SAMD3: variants seen among roughly 807,000 people sequenced by gnomAD.
SAMD3 encodes sterile alpha motif domain-containing protein 3.
SAMD3 carries 63 observed loss-of-function variants against 58.5 expected under a neutral mutation model. The ratio of observed to expected loss-of-function variants is 1.08; its 90% CI spans 0.88 to 1.33. The LOEUF is 1.33. SAMD3 is among the 40% of genes most tolerant of loss of function. SAMD3 has a pLI of 0.00. For synonymous variants in SAMD3, 220 were observed against 210.3 expected (o/e 1.05, Z -0.40); for missense variants, 604 against 608.4 (o/e 0.99, Z 0.08).
At chr6:130,250,980 T>C (rs1224144618) in intron 2 of SAMD3, among the ~76,000 whole-genome samples, 1 of 152,238 alleles carries the variant, frequency 6.6e-6, no homozygotes, top group East Asian at 1.9e-4. Flanking sequence ...CTGGGTAATA[T>C]GATAACCCTG....
chr6:130,238,964 G>A (rs1299358284), intron 2 of SAMD3, among the ~76,000 whole-genome samples: 5 of 152,102 alleles, frequency 3.3e-5, no homozygotes, highest in Admixed American at 2.6e-4. Flanking sequence ...TCACTATGTT[G>A]GCTAGGCTGG....
chr6:130,184,591 T>A lies in SAMD3; in HGVS notation c.416A>T (p.Lys139Ile). 1.2e-6 allele frequency: 2 copies of A among 1,609,010 alleles called. No homozygotes were observed. The highest frequency in any genetic ancestry group is 1.7e-6 in the Non-Finnish European group (2 of 1,178,140). The stretch of plus-strand genomic sequence containing the variant: ...ATAGGACTTCGTCCACTGTAATGCT[T>A]TGCTTCTTGCTAGAATTTGTTTCAC... ...RNVKQILARS[K>I]ALQWTKSYVL... Residue 139 changes from lysine (K) to isoleucine (I), a missense_variant, in exon 6 of 12, where the codon AAA becomes ATA. Lys to Ile is a moderately radical substitution (Grantham distance 102, BLOSUM62 -3). Coordinates refer to ENST00000439090, the MANE Select transcript of SAMD3 (RefSeq NM_001017373.4).
intron 5 of SAMD3, among the ~76,000 whole-genome samples, chr6:130,197,228 C>T (rs565955738): frequency 5.9e-5 from 9 of 152,306 alleles, no homozygotes; most frequent in Admixed American, 4.6e-4. Context: ...AGACACCAGA[C>T]CAACTTAGAC....
At chr6:130,274,627 A>C (rs1178086226) in intron 2 of SAMD3, among the ~76,000 whole-genome samples, 1 of 140,068 alleles carries the variant, frequency 7.1e-6, no homozygotes, top group African/African-American at 2.7e-5. Context: ...GGGCTGACAC[A>C]GGTAAAGTGA....
intron 2 of SAMD3, among the ~76,000 whole-genome samples, chr6:130,237,972 C>T (rs1274486653): frequency 1.3e-5 from 2 of 152,068 alleles, no homozygotes; most frequent in Non-Finnish European, 2.9e-5. Flanking sequence ...ACCTATTTAG[C>T]TGTTGTTTTT....
chr6:130,186,430 C>T (rs1246382399), intron 5 of SAMD3, among the ~76,000 whole-genome samples: 1 of 152,100 alleles, frequency 6.6e-6, no homozygotes, highest in African/African-American at 2.4e-5. Flanking sequence ...TTGGCGGTCC[C>T]TACTATATCA....
intron 1 of SAMD3, among the ~76,000 whole-genome samples, chr6:130,362,718 A>C (rs1407710466): frequency 6.6e-6 from 1 of 152,230 alleles, no homozygotes; most frequent in East Asian, 1.9e-4. Context: ...CTAATACAGA[A>C]TTTATAAATA....
chr6:130,188,700 C>T (rs1273305476), intron 5 of SAMD3, among the ~76,000 whole-genome samples: 1 of 152,146 alleles, frequency 6.6e-6, no homozygotes, highest in Non-Finnish European at 1.5e-5. Context: ...GGGCCTTTGA[C>T]CATAACTTTT....
intron 2 of SAMD3, among the ~76,000 whole-genome samples, chr6:130,281,747 T>G (rs532866475): frequency 4.6e-4 from 70 of 152,162 alleles, no homozygotes; most frequent in African/African-American, 1.7e-3. Flanking sequence ...GGAGAAACCA[T>G]GTCTCTACTA....
chr6:130,186,978 G>T (rs949752711), intron 5 of SAMD3, among the ~76,000 whole-genome samples: 3 of 151,632 alleles, frequency 2.0e-5, no homozygotes, highest in African/African-American at 7.3e-5. Flanking sequence ...CACCATGTTG[G>T]CCAGGATGGT....
chr6:130,278,330 CTGATT>C (rs1414659889), intron 2 of SAMD3, among the ~76,000 whole-genome samples: 1 of 152,170 alleles, frequency 6.6e-6, no homozygotes, highest in Non-Finnish European at 1.5e-5. Flanking sequence ...CTTGGGGAGT[CTGATT>C]TGAGTAATAA....
Position 130,175,922 on chromosome 6 carries a change from A to G in SAMD3, c.741T>C (p.Cys247=). The G allele has an allele frequency of 1.2e-6, 2 of 1,613,154 alleles. No homozygotes were observed. Among genetic ancestry groups the G allele is most frequent in the Non-Finnish European group, 1.7e-6 (2 of 1,179,214 alleles). Residue 247 remains cysteine, a synonymous_variant, in exon 8 of 12, where the codon TGT becomes TGC. Coordinates refer to ENST00000439090, the MANE Select transcript of SAMD3 (RefSeq NM_001017373.4). The part of the protein sequence containing the change: ...EDDEQVIRNK[C]KFGHRRGQTR... Reference sequence around the variant, plus strand: ...TCTGGCCTCTTCGGTGTCCAAATTTACACTTATTTCTAATCACTTGCTCAT... The same window carrying G: ...TCTGGCCTCTTCGGTGTCCAAATTTGCACTTATTTCTAATCACTTGCTCAT...
chr6:130,198,507 C>A (rs1342529926), intron 5 of SAMD3, among the ~76,000 whole-genome samples: 3 of 152,156 alleles, frequency 2.0e-5, no homozygotes, highest in African/African-American at 7.2e-5. Context: ...CCACATCTAG[C>A]CTAAATTTGT....
chr6:130,292,321 A>AGT (rs1371281205), intron 2 of SAMD3, among the ~76,000 whole-genome samples: 2 of 127,634 alleles, frequency 1.6e-5, no homozygotes, highest in Non-Finnish European at 1.5e-5. Context: ...CCCAGGCTGG[A>AGT]GTGCTGGAGT....
intron 1 of SAMD3, among the ~76,000 whole-genome samples, chr6:130,333,583 T>C (rs1290706223): frequency 6.6e-6 from 1 of 152,232 alleles, no homozygotes; most frequent in South Asian, 2.1e-4. Flanking sequence ...TCTAATTTAA[T>C]ATAGAATTTT....
At chr6:130,185,027 G>GA (rs1231071180) in intron 5 of SAMD3, among the ~76,000 whole-genome samples, 1 of 152,182 alleles carries the variant, frequency 6.6e-6, no homozygotes, top group Admixed American at 6.5e-5. Context: ...CACCTGTTAA[G>GA]AAAATTCTTC....
chr6:130,322,496 G>A (rs992368837), intron 1 of SAMD3, among the ~76,000 whole-genome samples: 1 of 152,180 alleles, frequency 6.6e-6, no homozygotes, highest in Non-Finnish European at 1.5e-5. Context: ...TAGTAGCCGG[G>A]CATGGTGACA....
At chr6:130,291,530 G>C (rs1775362272) in intron 2 of SAMD3, among the ~76,000 whole-genome samples, 1 of 152,138 alleles carries the variant, frequency 6.6e-6, no homozygotes, top group African/African-American at 2.4e-5. Flanking sequence ...TTTGTGGGTG[G>C]TATCTTGGTG....
At chr6:130,163,632 A>T (rs1027489589) in intron 8 of SAMD3, among the ~76,000 whole-genome samples, 58 of 152,322 alleles carry the variant, frequency 3.8e-4, no homozygotes, top group African/African-American at 7.9e-4. Context: ...AACTGTCAAG[A>T]TTTGTCTTCA....
Sources: allele counts gnomAD v4.1 joint callset (sites outside exome capture counted in the v4.1 genomes callset), GRCh38; gene constraint gnomAD v4.1.1; transcripts MANE v1.5; gene names NCBI Gene and HGNC (gene_info 2026-07-23, HGNC 2026-07-21).